Variants in SEPTIN10 observed in about 807,000 individuals in gnomAD.
SEPTIN10 encodes the protein septin 10, also known as septin-10.
Under a neutral mutation model 54.8 loss-of-function variants are expected in SEPTIN10, and 66 were observed. The ratio of observed to expected loss-of-function variants is 1.21; its 90% confidence interval spans 0.99 to 1.48. The LOEUF is 1.48. SEPTIN10 is among the 40% of genes most tolerant of loss of function. SEPTIN10 has a pLI of 0.00. For synonymous variants in SEPTIN10, 161 were observed against 181.0 expected (o/e 0.89, Z 0.89); for missense variants, 620 against 545.6 (o/e 1.14, Z -1.36).
rs372921130 is a variant in SEPTIN10, at chr2:109,602,201, TTA to T, written c.31-9084_31-9083del. Among the ~76,000 whole-genome samples, 838 of 152,278 alleles carry T rather than the reference TTA, an allele frequency of 5.5e-3. 11 individuals carry two copies. The South Asian group carries it at 0.056, about 10-fold the overall frequency. ...TCTAAGATCCCTTTCAACTCAGATT[TTA>T]TGACTATAACTTGGAACAAGCAATG... On this transcript the variant is annotated intron_variant, in intron 1 of 10. Transcript: ENST00000397712.
chr2:109,587,699 G>A (rs1252174178), intron 2 of SEPTIN10, among the ~76,000 whole-genome samples: 1 of 152,076 alleles, frequency 6.6e-6, no homozygotes, highest in Non-Finnish European at 1.5e-5. Flanking sequence ...GGATAACAAG[G>A]TCAGGAGATT....
chr2:109,574,779 T>C lies in SEPTIN10; in HGVS notation c.414-12A>G, dbSNP rs1404897715. ...CTATTGGTTGGTAGCTGAAAAATTA[T>C]TTAAATGTTTAATACAACATTATTT... On this transcript the variant is annotated splice_polypyrimidine_tract_variant and intron_variant, in intron 4 of 10. Transcript: ENST00000397712. 1 of 1,552,964 alleles carries C rather than the reference T, an allele frequency of 6.4e-7. No individual in the cohort carries two copies. The highest frequency in any genetic ancestry group is 8.7e-7 in the Non-Finnish European group (1 of 1,149,230).
chr2:109,597,115 T>C (rs1394716883), intron 1 of SEPTIN10, among the ~76,000 whole-genome samples: 3 of 151,932 alleles, frequency 2.0e-5, no homozygotes, highest in Non-Finnish European at 4.4e-5. Context: ...ACTTGGCTAA[T>C]TTTTTTGTAG....
At chr2:109,572,092 C>T (rs1214493288) in intron 5 of SEPTIN10, among the ~76,000 whole-genome samples, 1 of 152,178 alleles carries the variant, frequency 6.6e-6, no homozygotes, top group East Asian at 1.9e-4. Flanking sequence ...AGCTAATCTT[C>T]CCAAAAGTCT....
chr2:109,570,527 G>T lies in SEPTIN10; in HGVS notation c.601-2551C>A, dbSNP rs1573555231. Among the ~76,000 whole-genome samples, 6 of 147,202 alleles carry T rather than the reference G, an allele frequency of 4.1e-5. No homozygotes were observed. The South Asian group carries it at 1.3e-3, about 32-fold the overall frequency. On this transcript the variant is annotated intron_variant, in intron 5 of 10. Coordinates refer to ENST00000397712, the MANE Select transcript of SEPTIN10 (RefSeq NM_144710.5). ...TGACATAGCATTTACATTGTATCAG[G>T]TTTTTTTTTTTTTCCAAGACGGAGT... is the stretch of plus-strand genomic sequence containing the variant.
Position 109,546,172 on chromosome 2 carries a change from C to A in SEPTIN10, c.1227G>T (p.Lys409Asn). 1.2e-6 allele frequency: 2 copies of A among 1,609,814 alleles called. No individual in the cohort carries two copies. The highest frequency in any genetic ancestry group is 1.7e-6 in the Non-Finnish European group (2 of 1,178,464). The change falls in exon 10 of 11, where the codon AAG becomes AAT. Residue 409 changes from lysine (K) to asparagine (N), a missense_variant. Lys to Asn is a moderately conservative substitution (Grantham distance 94). Transcript: ENST00000397712. ...HQEERMKLEE[K>N]RRLLEEEIIA... is the part of the protein sequence containing the mutation. Reference sequence around the variant, plus strand: ...TTATTTCTTCTTCCAAAAGTCTTCTCTTTTCTTCAAGCTTCATTCTCTCTT... The same window carrying A: ...TTATTTCTTCTTCCAAAAGTCTTCTATTTTCTTCAAGCTTCATTCTCTCTT...
chr2:109,563,237 T>C (rs748522692), intron 8 of SEPTIN10, among the ~76,000 whole-genome samples: 2 of 152,172 alleles, frequency 1.3e-5, no homozygotes, highest in East Asian at 1.9e-4. Flanking sequence ...TCTTAATTCA[T>C]TATGCTACCA....
At chr2:109,565,252 G>T (rs1050557800) in intron 7 of SEPTIN10, among the ~76,000 whole-genome samples, 12 of 152,032 alleles carry the variant, frequency 7.9e-5, no homozygotes, top group African/African-American at 2.2e-4. Flanking sequence ...ACTAGTAAGG[G>T]TAATCTATTC....
chr2:109,603,991 C>A (rs1191064710), intron 1 of SEPTIN10, among the ~76,000 whole-genome samples: 1 of 151,440 alleles, frequency 6.6e-6, no homozygotes, highest in Admixed American at 6.6e-5. Context: ...GAAACCCCAT[C>A]TCTACTAAAA....
chr2:109,583,516 G>A (rs914840776), intron 4 of SEPTIN10, among the ~76,000 whole-genome samples: 6 of 152,136 alleles, frequency 3.9e-5, no homozygotes, highest in African/African-American at 1.4e-4. Flanking sequence ...GTAGAGAAAA[G>A]GAAATGCTTG....
chr2:109,613,628 C>T (rs1558932679), intron 1 of SEPTIN10, 170 bp downstream of exon 1: 1 of 386,640 alleles, frequency 2.6e-6, no homozygotes. Flanking sequence ...GCTCCTCTCC[C>T]GCCCCAGGCG....
intron 4 of SEPTIN10, among the ~76,000 whole-genome samples, chr2:109,576,527 T>C (rs1428955320): frequency 6.6e-6 from 1 of 152,182 alleles, no homozygotes; most frequent in East Asian, 1.9e-4. Flanking sequence ...CTTTGGAAAG[T>C]GGTCTAAATG....
intron 1 of SEPTIN10, among the ~76,000 whole-genome samples, chr2:109,607,987 C>T (rs1698389580): frequency 2.0e-5 from 3 of 152,222 alleles, no homozygotes; most frequent in Admixed American, 1.3e-4. Context: ...AGTTCAATGT[C>T]TGTTTCTGAA....
At chr2:109,585,371 A>C (rs1173005326) in intron 3 of SEPTIN10, 50 bp from the exon 4 acceptor site, 1 of 1,427,794 alleles carries the variant, frequency 7.0e-7, no homozygotes. Flanking sequence ...GGCTGAAAAG[A>C]AATACAACTG....
Position 109,556,127 on chromosome 2 carries a change from G to A in SEPTIN10, c.1029-2908C>T, listed in dbSNP as rs575937292. ...TGGGAAGAGGAGGAAGATTTAACCAGCATAACCAGCAGAGAAAGGACTATC... is the reference window on the plus strand; with the variant it reads ...TGGGAAGAGGAGGAAGATTTAACCAACATAACCAGCAGAGAAAGGACTATC... On this transcript the variant is annotated intron_variant, in intron 8 of 10. Transcript: ENST00000397712. Among the ~76,000 whole-genome samples the A allele has an allele frequency of 3.9e-5, 6 of 152,286 alleles. 1 individual carries two copies. Among genetic ancestry groups the A allele is most frequent in the African/African-American group, 1.4e-4 (6 of 41,558 alleles).
At chr2:109,594,295 CA>C (rs1694791094) in intron 1 of SEPTIN10, among the ~76,000 whole-genome samples, 1 of 152,006 alleles carries the variant, frequency 6.6e-6, no homozygotes, top group African/African-American at 2.4e-5. Flanking sequence ...CAAATGGTGT[CA>C]ATGAGAATAC....
At chr2:109,584,785 C>T (rs1369519611) in intron 4 of SEPTIN10, among the ~76,000 whole-genome samples, 1 of 151,946 alleles carries the variant, frequency 6.6e-6, no homozygotes, top group East Asian at 1.9e-4. Context: ...TCTTATATGT[C>T]TTGTATTTTT....
At chr2:109,545,164 C>G in intron 10 of SEPTIN10, 2 of 985,310 alleles carry the variant, frequency 2.0e-6, no homozygotes, top group Non-Finnish European at 2.4e-6. Context: ...TGCAACGCTG[C>G]TAGCACAGAG....
chr2:109,585,778 C>T lies in SEPTIN10; in HGVS notation c.160G>A (p.Asp54Asn), dbSNP rs761863838. 17 of 1,613,844 alleles carry T rather than the reference C, an allele frequency of 1.1e-5. No individual in the cohort carries two copies. The highest frequency in any genetic ancestry group is 1.4e-5 in the Non-Finnish European group (17 of 1,179,982). Residue 54 changes from aspartate (D) to asparagine (N), a missense_variant, in exon 3 of 11, where the codon GAT (aspartate) becomes AAT (asparagine). By Grantham distance (23) the Asp-to-Asn change is conservative (BLOSUM62 1). Transcript: ENST00000397712. ...TGAATGGATCTGTTCACCAGCTGAT[C>T]AGGCAAACTCTCAAAACCAACATGG... ...SGHVGFESLP[D>N]QLVNRSIQQG...
Sources: gnomAD v4.1 joint callset for allele counts (sites outside exome capture counted in the v4.1 genomes callset) on GRCh38, gnomAD v4.1.1 for gene constraint, MANE v1.5 for transcripts, NCBI Gene and HGNC (gene_info 2026-07-23, HGNC 2026-07-21) for gene names.